C12orf42: variants seen among roughly 807,000 people sequenced by gnomAD.
C12orf42 encodes the protein uncharacterized protein C12orf42.
In C12orf42, 25 loss-of-function variants were observed where a neutral mutation model predicts 21.6. The observed-to-expected ratio is 1.16, with a 90% CI of 0.84 to 1.62. C12orf42 has a LOEUF of 1.62. C12orf42 is among the 40% of genes most tolerant of loss of function. The pLI, the probability that C12orf42 is intolerant of heterozygous loss-of-function variation, is 0.00. For synonymous variants in C12orf42, 174 were observed against 175.0 expected (o/e 0.99, Z 0.05); for missense variants, 483 against 459.3 (o/e 1.05, Z -0.47).
At chr12:103,245,410 T>TA (rs2033962145) in intron 10 of C12orf42, among the ~76,000 whole-genome samples, 1 of 152,094 alleles carries the variant, frequency 6.6e-6, no homozygotes, top group African/African-American at 2.4e-5. Flanking sequence ...GAATTCCACT[T>TA]ATGTTGAACA....
downstream of C12orf42, among the ~76,000 whole-genome samples, chr12:103,265,696 TG>T (rs1280804290): frequency 2.0e-5 from 3 of 152,084 alleles, no homozygotes; most frequent in African/African-American, 7.2e-5. Flanking sequence ...TCACGTGGGT[TG>T]GGGGACCTGG....
At chr12:103,151,641 G>T in the C12orf42 span, among the ~76,000 whole-genome samples, 1 of 151,926 alleles carries the variant, frequency 6.6e-6, no homozygotes, top group East Asian at 1.9e-4. Flanking sequence ...CACAAAAAAA[G>T]AAAAATAAAT....
the C12orf42 span, among the ~76,000 whole-genome samples, chr12:103,164,952 G>C: frequency 6.6e-6 from 1 of 152,206 alleles, no homozygotes; most frequent in Non-Finnish European, 1.5e-5. Flanking sequence ...AATGTCTTCA[G>C]ACAGAGAAAT....
At chr12:103,092,783 G>A in the C12orf42 span, among the ~76,000 whole-genome samples, 1 of 152,310 alleles carries the variant, frequency 6.6e-6, no homozygotes, top group South Asian at 2.1e-4. Context: ...TTACTTCACA[G>A]TCAAGGCTAT....
In C12orf42 at chr12:103,398,568, T is replaced by C. The variant is rs143568354; in HGVS notation, c.147+3039A>G. ...TTGAAAGTTTATGATTTTTATACCC[T>C]AGGAAACCCGTTTATACCCCTCAGA... is the stretch of plus-strand genomic sequence containing the variant. On this transcript the variant is annotated intron_variant, in intron 3 of 5. Coordinates refer to ENST00000548883, the MANE Select transcript of C12orf42 (RefSeq NM_198521.5). Among the ~76,000 whole-genome samples, 1,047 of 152,278 alleles carry C rather than the reference T, an allele frequency of 6.9e-3. 13 individuals are homozygous for C. The highest frequency in any genetic ancestry group is 0.023 in the African/African-American group (948 of 41,584).
At chr12:103,183,301 C>T in the C12orf42 span, among the ~76,000 whole-genome samples, 6 of 152,270 alleles carry the variant, frequency 3.9e-5, no homozygotes, top group East Asian at 1.2e-3. Flanking sequence ...AGGGTGGTCT[C>T]GATCTCTTGA....
At chr12:103,303,397 A>T (rs994321953) in intron 5 of C12orf42, among the ~76,000 whole-genome samples, 6 of 152,078 alleles carry the variant, frequency 3.9e-5, no homozygotes, top group African/African-American at 1.4e-4. Context: ...AATTCTGCCC[A>T]TTGACCTACA....
intron 4 of C12orf42, among the ~76,000 whole-genome samples, chr12:103,318,635 A>G (rs1262991620): frequency 6.6e-6 from 1 of 152,150 alleles, no homozygotes; most frequent in Non-Finnish European, 1.5e-5. Flanking sequence ...TAAATCTTTC[A>G]TCTGAATTGC....
the C12orf42 span, among the ~76,000 whole-genome samples, chr12:103,069,571 G>A: frequency 6.6e-6 from 1 of 152,060 alleles, no homozygotes; most frequent in Non-Finnish European, 1.5e-5. Context: ...AGAGCAAAAT[G>A]GTTTTATGGA....
the C12orf42 span, among the ~76,000 whole-genome samples, chr12:103,207,632 T>C: frequency 6.6e-6 from 1 of 152,164 alleles, no homozygotes; most frequent in Admixed American, 6.5e-5. Flanking sequence ...TTTGAAAAAC[T>C]CATTGTAGCC....
the C12orf42 span, among the ~76,000 whole-genome samples, chr12:103,548,107 T>G: frequency 3.9e-5 from 6 of 152,232 alleles, no homozygotes; most frequent in Admixed American, 1.3e-4. Context: ...GCCTGGGGCC[T>G]GCGTCAGGGG....
intron 10 of C12orf42, among the ~76,000 whole-genome samples, chr12:103,244,032 T>C (rs1179233180): frequency 2.0e-5 from 3 of 152,120 alleles, no homozygotes; most frequent in African/African-American, 4.8e-5. Flanking sequence ...TTGATTCCAA[T>C]GTTCAGCCAG....
the C12orf42 span, among the ~76,000 whole-genome samples, chr12:103,144,528 G>A: frequency 6.6e-6 from 1 of 152,228 alleles, no homozygotes; most frequent in African/African-American, 2.4e-5. Context: ...TGATGCCGCC[G>A]TGGGCTAGGC....
intron 5 of C12orf42, among the ~76,000 whole-genome samples, chr12:103,303,108 G>A (rs1354158677): frequency 6.6e-6 from 1 of 152,076 alleles, no homozygotes; most frequent in East Asian, 1.9e-4. Flanking sequence ...ATTAACCTAA[G>A]ACTGGGTCTA....
the C12orf42 span, among the ~76,000 whole-genome samples, chr12:103,148,616 G>A: frequency 6.9e-6 from 1 of 145,164 alleles, no homozygotes; most frequent in Admixed American, 6.7e-5. Context: ...AAATCATAGT[G>A]CTCGTTTGAG....
chr12:103,326,460 C>G (rs2040717146), intron 4 of C12orf42, among the ~76,000 whole-genome samples: 1 of 152,192 alleles, frequency 6.6e-6, no homozygotes, highest in South Asian at 2.1e-4. Context: ...ATTACACTTA[C>G]AGAAAAATTA....
the C12orf42 span, among the ~76,000 whole-genome samples, chr12:103,082,280 A>C: frequency 6.6e-6 from 1 of 152,358 alleles, no homozygotes; most frequent in East Asian, 1.9e-4. Context: ...AAGAGGATGA[A>C]ATTGTTAATT....
At chr12:103,119,301 TA>T in the C12orf42 span, among the ~76,000 whole-genome samples, 1 of 152,226 alleles carries the variant, frequency 6.6e-6, no homozygotes, top group South Asian at 2.1e-4. Context: ...TTGTGATGAT[TA>T]AATGAGATAA....
chr12:103,560,100 A>T, the C12orf42 span, among the ~76,000 whole-genome samples: 1 of 152,254 alleles, frequency 6.6e-6, no homozygotes, highest in Non-Finnish European at 1.5e-5. Context: ...TTATGTAAAT[A>T]ATAAAAGCCC....
Sources: gnomAD v4.1 joint callset for allele counts (sites outside exome capture counted in the v4.1 genomes callset) on GRCh38, gnomAD v4.1.1 for gene constraint, MANE v1.5 for transcripts, NCBI Gene and HGNC (gene_info 2026-07-23, HGNC 2026-07-21) for gene names.